Variants in ERGIC1 observed in about 807,000 individuals in gnomAD.
The protein encoded by ERGIC1 is endoplasmic reticulum-Golgi intermediate compartment protein 1.
Under a neutral mutation model 38.3 loss-of-function variants are expected in ERGIC1, and 19 were observed. The ratio of observed to expected loss-of-function variants is 0.50; its 90% CI spans 0.35 to 0.73. The LOEUF (loss-of-function observed/expected upper bound fraction) is 0.73. Among genes scored for constraint, ERGIC1 ranks in the 30% least tolerant of loss-of-function variants. The pLI is 0.01. For missense variants in ERGIC1, 294 were observed against 389.2 expected (o/e 0.76, Z 2.06); for synonymous variants, 124 against 157.6 (o/e 0.79, Z 1.60).
chr5:172,867,306 G>T (rs1014320899), intron 1 of ERGIC1: 1 of 419,218 alleles, frequency 2.4e-6, no homozygotes, highest in Non-Finnish European at 4.9e-6. Flanking sequence ...TCCCAGGTGG[G>T]CAGGTCCAGT....
At chr5:172,880,308 A>T (rs1762249811) in intron 1 of ERGIC1, among the ~76,000 whole-genome samples, 2 of 151,462 alleles carry the variant, frequency 1.3e-5, no homozygotes, top group Admixed American at 1.3e-4. Flanking sequence ...TTTTATTTTT[A>T]AAAATTATTA....
At chr5:172,852,817 G>A (rs954870558) in intron 1 of ERGIC1, among the ~76,000 whole-genome samples, 6 of 152,264 alleles carry the variant, frequency 3.9e-5, no homozygotes, top group Non-Finnish European at 7.3e-5. Context: ...GCAGCCATGC[G>A]ACGTGCTCAG....
chr5:172,905,294 C>T (rs1762988163), intron 3 of ERGIC1: 2 of 310,100 alleles, frequency 6.4e-6, no homozygotes, highest in Non-Finnish European at 1.4e-5. Context: ...AATTTCATTA[C>T]TCAACAGCTC....
chr5:172,841,365 T>C (rs1430384565), intron 1 of ERGIC1, among the ~76,000 whole-genome samples: 1 of 152,164 alleles, frequency 6.6e-6, no homozygotes, highest in Non-Finnish European at 1.5e-5. Context: ...CTTCCTGTTT[T>C]ATGTCCAGGG....
Position 172,834,404 on chromosome 5 carries a change from C to T in ERGIC1, c.-10C>T. ...TGGCCTGCAGCGCTCCCACCCCCGG[C>T]GGCGGCACGATGCCCTTTGACTTCA... On this transcript the variant is annotated 5_prime_UTR_variant, in exon 1 of 10. Transcript: ENST00000393784. The surrounding 1 kb of genome is among the most constrained non-coding windows in gnomAD (Gnocchi z 4.1). 7.5e-7 allele frequency: 1 copy of T among 1,327,752 alleles called. No individual in the cohort carries two copies. The highest frequency in any genetic ancestry group is 2.0e-5 in the South Asian group (1 of 49,826). The allele number at this position is 1,327,752 out of a possible 1,614,324, so 82.2% of individuals were successfully genotyped here.
At chr5:172,893,941 A>ATATATATATATATATATATAAATATGTG (rs1259799557) in intron 2 of ERGIC1, among the ~76,000 whole-genome samples, 1 of 38,668 alleles carries the variant, frequency 2.6e-5, no homozygotes, top group Non-Finnish European at 6.4e-5. Flanking sequence ...GTGTGTATAT[A>ATATATATATATATATATATAAATATGTG]TATATATATA....
chr5:172,901,300 A>G (rs1265747972), intron 3 of ERGIC1, among the ~76,000 whole-genome samples: 4 of 152,172 alleles, frequency 2.6e-5, no homozygotes, highest in South Asian at 2.1e-4. Context: ...GGCTTTGGAC[A>G]GGCCGTTAAT....
chr5:172,891,330 C>T (rs1762553109), intron 2 of ERGIC1, among the ~76,000 whole-genome samples: 1 of 152,196 alleles, frequency 6.6e-6, no homozygotes, highest in Non-Finnish European at 1.5e-5. Flanking sequence ...TCCTACCGTC[C>T]ACCAGTGGCT....
At chr5:172,945,598 G>A (rs1271674520) in intron 9 of ERGIC1, among the ~76,000 whole-genome samples, 1 of 152,162 alleles carries the variant, frequency 6.6e-6, no homozygotes, top group Non-Finnish European at 1.5e-5. Flanking sequence ...TTAAGATCAG[G>A]TTTCATTTAC....
rs983513039 is a variant in ERGIC1, at chr5:172,898,043, T to C, written c.155+969T>C. 365 of 403,830 alleles carry C rather than the reference T, an allele frequency of 9.0e-4. 1 individual carries two copies. The highest frequency in any genetic ancestry group is 1.3e-3 in the Non-Finnish European group (299 of 224,718). The allele number at this position is 403,830 out of a possible 1,614,324, so 25.0% of individuals were successfully genotyped here. ...ATTAGACCCAGGAGCTTCCTGCCTT[T>C]GGCACTGGCTTGAGGCTTCAAAGCC... On this transcript the variant is annotated intron_variant, in intron 3 of 9. Coordinates refer to ENST00000393784, the MANE Select transcript of ERGIC1 (RefSeq NM_001031711.3).
intron 1 of ERGIC1, among the ~76,000 whole-genome samples, chr5:172,869,147 C>G (rs1214148143): frequency 6.6e-6 from 1 of 152,254 alleles, no homozygotes; most frequent in Non-Finnish European, 1.5e-5. Context: ...GAGGGAATGG[C>G]AGGCATGCCA....
At chr5:172,840,608 G>A (rs981510085) in intron 1 of ERGIC1, among the ~76,000 whole-genome samples, 3 of 152,144 alleles carry the variant, frequency 2.0e-5, no homozygotes, top group African/African-American at 4.8e-5. Flanking sequence ...GCCTTGCCTC[G>A]GGAGGCTGGG....
intron 2 of ERGIC1, among the ~76,000 whole-genome samples, chr5:172,891,001 T>G (rs535371026): frequency 5.3e-4 from 81 of 152,336 alleles, no homozygotes; most frequent in African/African-American, 1.8e-3. Flanking sequence ...AGAGCAAGGT[T>G]CATCCTCCCA....
chr5:172,843,751 G>C (rs1179282792), intron 1 of ERGIC1, among the ~76,000 whole-genome samples: 1 of 152,178 alleles, frequency 6.6e-6, no homozygotes, highest in African/African-American at 2.4e-5. Flanking sequence ...CCCTCACATT[G>C]CACTCATTCG....
intron 1 of ERGIC1, among the ~76,000 whole-genome samples, chr5:172,856,398 G>A (rs1004205587): frequency 6.6e-6 from 1 of 150,442 alleles, no homozygotes; most frequent in African/African-American, 2.4e-5. Flanking sequence ...GGCAAAATGT[G>A]TACAGGCAGG....
intron 1 of ERGIC1, among the ~76,000 whole-genome samples, chr5:172,851,418 A>C (rs1220016163): frequency 6.6e-6 from 1 of 151,874 alleles, no homozygotes; most frequent in African/African-American, 2.4e-5. Context: ...CTGAGACAGG[A>C]GATTCGCTTC....
intron 1 of ERGIC1, among the ~76,000 whole-genome samples, chr5:172,864,964 A>G (rs989178266): frequency 6.6e-6 from 1 of 151,496 alleles, no homozygotes; most frequent in Admixed American, 6.6e-5. Context: ...TCCCTTGTGT[A>G]TCTGCTGCAA....
At chr5:172,899,253 AG>A (rs1762809237) in intron 3 of ERGIC1, among the ~76,000 whole-genome samples, 1 of 150,390 alleles carries the variant, frequency 6.6e-6, no homozygotes, top group African/African-American at 2.4e-5. Flanking sequence ...GAGGTAGAGC[AG>A]GCAGGACGGA....
At chr5:172,905,876 C>A (rs997146985) in intron 3 of ERGIC1, among the ~76,000 whole-genome samples, 27 of 152,346 alleles carry the variant, frequency 1.8e-4, no homozygotes, top group African/African-American at 5.8e-4. Flanking sequence ...GTCCCTCCCC[C>A]TGTGCTCTCA....
Sources: allele counts gnomAD v4.1 joint callset (sites outside exome capture counted in the v4.1 genomes callset), GRCh38; gene constraint gnomAD v4.1.1; non-coding constraint Gnocchi (gnomAD v3.1); transcripts MANE v1.5; gene names NCBI Gene and HGNC (gene_info 2026-07-23, HGNC 2026-07-21).